The following DST variants were observed in gnomAD, a reference collection of about 807,000 sequenced individuals.
DST encodes the protein dystonin.
Under a neutral mutation model 875.2 loss-of-function variants are expected in DST, and 253 were observed. That is an observed-to-expected ratio of 0.29 (90% CI 0.26 to 0.32). The LOEUF (loss-of-function observed/expected upper bound fraction) is 0.32. Among genes scored for constraint, DST ranks in the 10% least tolerant of loss-of-function variants. The pLI, the probability that DST is intolerant of heterozygous loss-of-function variation, is 1.00. For missense variants in DST, 8,287 were observed against 9,111.6 expected, an observed-to-expected ratio of 0.91 and a Z score of 3.68; for synonymous variants, 3,124 against 3,197.1, an observed-to-expected ratio of 0.98 and a Z score of 0.77.
intron 4 of DST, among the ~76,000 whole-genome samples, chr6:56,841,305 CAT>C (rs1343859246): frequency 6.6e-6 from 1 of 152,184 alleles, no homozygotes; most frequent in Non-Finnish European, 1.5e-5. Context: ...CTAAATGAAA[CAT>C]AGCACAGCTA....
At chr6:56,933,479 T>G (rs1052826521) in intron 2 of DST, among the ~76,000 whole-genome samples, 1 of 152,188 alleles carries the variant, frequency 6.6e-6, no homozygotes, top group Non-Finnish European at 1.5e-5. Context: ...ACTGCAAACC[T>G]CAGTGTGGAT....
chr6:56,645,974 C>T lies in DST; in HGVS notation c.1670G>A (p.Arg557His). 1.9e-6 allele frequency: 3 copies of T among 1,608,372 alleles called. No homozygotes were observed. The highest frequency in any genetic ancestry group is 1.1e-5 in the South Asian group (1 of 89,152). ...KLLEIWIEFG[R>H]IKLLQGYHPN... ...ATGATAACCTTGAAGGAGCTTGATG[C>T]GTCCAAATTCTATCCAAATCTTGAG... Residue 557 changes from arginine (R) to histidine (H), a missense_variant, in exon 15 of 104, where the codon CGC becomes CAC. By Grantham distance (29) the Arg-to-His change is conservative (BLOSUM62 0). Transcript: ENST00000680361.
chr6:56,670,449 T>G, intron 10 of DST, 192 bp downstream of exon 10: 1 of 399,736 alleles, frequency 2.5e-6, no homozygotes, highest in Admixed American at 4.6e-5. Flanking sequence ...TCTACCCACT[T>G]TGGCTTCCCT....
Position 56,605,707 on chromosome 6 carries a change from T to A in DST, c.8921A>T (p.Asp2974Val), listed in dbSNP as rs749437882. ...IQGSELPELTDSVKGKDEYFK... is the reference protein window; with the variant it reads ...IQGSELPELTVSVKGKDEYFK... Reference sequence around the variant, plus strand: ...ATATTCATCTTTACCTTTCACAGAATCAGTCAATTCTGGCAATTCTGACCC... The same window carrying A: ...ATATTCATCTTTACCTTTCACAGAAACAGTCAATTCTGGCAATTCTGACCC... Residue 2974 changes from aspartate to valine, a missense_variant, in exon 40 of 104, where the codon GAT (aspartate) becomes GTT (valine). Asp to Val is a radical substitution (Grantham distance 152, BLOSUM62 -3). Around this residue, in one of 10 missense-constraint regions of DST, gnomAD observed 3,138 missense variants for 3,116.6 expected, o/e 1.01. Transcript: ENST00000680361. The A allele has an allele frequency of 6.2e-7, 1 of 1,612,960 alleles. No individual in the cohort carries two copies. The highest frequency in any genetic ancestry group is 1.7e-5 in the Admixed American group (1 of 59,876).
intron 2 of DST, among the ~76,000 whole-genome samples, chr6:56,929,613 C>A (rs2127759028): frequency 6.6e-6 from 1 of 152,260 alleles, no homozygotes; most frequent in East Asian, 1.9e-4. Flanking sequence ...AAAGAATTCT[C>A]ACTGATATAC....
chr6:56,634,679 A>C (rs909308219), intron 25 of DST, 63 bp from the exon 26 acceptor site: 26 of 1,608,920 alleles, frequency 1.6e-5, no homozygotes, highest in Non-Finnish European at 2.0e-5. Flanking sequence ...TCCATACTCA[A>C]TCCTGGGATT....
At chr6:56,488,295 A>C (rs564995288) in intron 86 of DST, among the ~76,000 whole-genome samples, 2 of 152,344 alleles carry the variant, frequency 1.3e-5, no homozygotes, top group South Asian at 4.1e-4. Context: ...TCTTATTTAT[A>C]GGACTCTCTA....
At chr6:56,754,362 G>A (rs532581042) in intron 4 of DST, among the ~76,000 whole-genome samples, 70 of 152,196 alleles carry the variant, frequency 4.6e-4, no homozygotes, top group Admixed American at 1.4e-3. Context: ...TTATTTCTGC[G>A]ATGGGGTCTG....
intron 9 of DST, among the ~76,000 whole-genome samples, chr6:56,671,831 T>C (rs914377030): frequency 6.6e-6 from 1 of 152,178 alleles, no homozygotes; most frequent in South Asian, 2.1e-4. Context: ...AATCATTCTG[T>C]CACAGGGAAA....
chr6:56,641,832 A>G, intron 17 of DST, 115 bp downstream of exon 17: 1 of 852,960 alleles, frequency 1.2e-6, no homozygotes, highest in East Asian at 2.8e-5. Flanking sequence ...TTTTCAACTA[A>G]AAAACAGCAA....
chr6:56,718,055 C>T (rs543530916), intron 5 of DST, among the ~76,000 whole-genome samples: 17 of 151,820 alleles, frequency 1.1e-4, no homozygotes, highest in Middle Eastern at 6.8e-3. Flanking sequence ...CCAGCCTGGG[C>T]AACACAGTGA....
rs1386442783 is a variant in DST at position 56,603,979 on chromosome 6, A to AT, written c.10648dup (p.Ile3550AsnfsTer17). The AT allele has an allele frequency of 6.2e-7, 1 of 1,609,698 alleles. No homozygotes were observed. The highest frequency in any genetic ancestry group is 8.5e-7 in the Non-Finnish European group (1 of 1,177,674). On this transcript the variant is annotated frameshift_variant, in exon 40 of 104. Coordinates refer to ENST00000680361, the MANE Select transcript of DST (RefSeq NM_001374736.1). LOFTEE classifies it high-confidence loss of function. ...CCACACAGTAGAGCTTTCTAGTCCA[A>AT]TTTCTTTTACAGTTTCTAAATTAGG...
chr6:56,702,380 T>TACACACAC (rs141415908), intron 7 of DST, among the ~76,000 whole-genome samples: 8 of 149,518 alleles, frequency 5.4e-5, no homozygotes, highest in African/African-American at 1.2e-4. Flanking sequence ...TAACTGTATA[T>TACACACAC]ACACACACAC....
intron 4 of DST, chr6:56,851,073 A>T (rs984510093): frequency 6.1e-6 from 2 of 325,932 alleles, no homozygotes; most frequent in Non-Finnish European, 5.7e-6. Flanking sequence ...CAATCACTGG[A>T]GCTAATACTT....
chr6:56,920,895 ATTTTTTTTTTTT>A (rs35394550), intron 2 of DST, among the ~76,000 whole-genome samples: 1 of 59,678 alleles, frequency 1.7e-5, no homozygotes, highest in Non-Finnish European at 3.1e-5. Context: ...CGCCCAGCTA[ATTTTTTTTTTTT>A]TTTTTTTTTT....
In DST at chr6:56,614,373, G is replaced by C. The variant is rs762531991; in HGVS notation, c.5041C>G (p.Pro1681Ala). 3 of 1,607,498 alleles carry C rather than the reference G, an allele frequency of 1.9e-6. No individual in the cohort carries two copies. The South Asian group carries it at 3.3e-5, about 18-fold the overall frequency. ...LKDAEKAGKPPFSKQKISSEE... is the reference protein window; with the variant it reads ...LKDAEKAGKPAFSKQKISSEE... Reference sequence around the variant, plus strand: ...GTGAATACCTTTTGCTTAGAGAAGGGAGGTTTTCCAGCCTTCTCTGCATCT... The same window carrying C: ...GTGAATACCTTTTGCTTAGAGAAGGCAGGTTTTCCAGCCTTCTCTGCATCT... The change falls in exon 37 of 104, where the codon CCC (proline) becomes GCC (alanine). Residue 1681 changes from proline (P) to alanine (A), a missense_variant. By Grantham distance (27) the Pro-to-Ala change is conservative (BLOSUM62 -1). Transcript: ENST00000680361.
chr6:56,871,434 C>T (rs1777031929), intron 3 of DST: 3 of 1,596,518 alleles, frequency 1.9e-6, no homozygotes, highest in Non-Finnish European at 1.7e-6. Flanking sequence ...GACACAAGGT[C>T]GGTGGCCCAA....
At position 56,954,621 on chromosome 6, in the gene DST, G is replaced by C; in HGVS notation, c.-34C>G. The stretch of plus-strand genomic sequence containing the variant: ...CGAGGCGAGGGCGACTCGACGGCGG[G>C]GCTGGAGGGCGGCGGCACAGGCACC... On this transcript the variant is annotated 5_prime_UTR_variant, in exon 1 of 104. Transcript: ENST00000680361. 3 of 1,295,386 alleles carry C rather than the reference G, an allele frequency of 2.3e-6. No homozygotes were observed. The highest frequency in any genetic ancestry group is 3.0e-6 in the Non-Finnish European group (3 of 987,556). The allele number at this position is 1,295,386 out of a possible 1,614,324, so 80.2% of individuals were successfully genotyped here.
In DST at chr6:56,862,906, G is replaced by A. The variant is rs192421495; in HGVS notation, c.418-11302C>T. On this transcript the variant is annotated intron_variant, in intron 3 of 103. Coordinates refer to ENST00000680361, the MANE Select transcript of DST (RefSeq NM_001374736.1). ...TGTAATAGTGGGGAGACAGAGAATA[G>A]CAGTAGGAAAATGAGTGGGTCCCAG... is the stretch of plus-strand genomic sequence containing the variant. Among the ~76,000 whole-genome samples the A allele has an allele frequency of 1.1e-4, 16 of 152,292 alleles. No homozygotes were observed. The East Asian group carries it at 2.5e-3, about 24-fold the overall frequency.
Sources: gnomAD v4.1 joint callset for allele counts (sites outside exome capture counted in the v4.1 genomes callset) on GRCh38, gnomAD v4.1.1 for gene constraint, gnomAD v4.1.1 regional missense constraint, MANE v1.5 for transcripts, NCBI Gene and HGNC (gene_info 2026-07-23, HGNC 2026-07-21) for gene names.